Variants in PCF11 observed in about 807,000 individuals in gnomAD.
PCF11 encodes the protein pre-mRNA cleavage complex 2 protein Pcf11.
A neutral mutation model predicts 166.1 loss-of-function variants in PCF11; 19 were observed. That is an observed-to-expected ratio of 0.11 (90% CI 0.08 to 0.17). The LOEUF is 0.17. Among genes scored for constraint, PCF11 ranks in the 10% least tolerant of loss-of-function variants. The pLI, the probability that PCF11 is intolerant of heterozygous loss-of-function variation, is 1.00. For missense variants in PCF11, 1,565 were observed against 1,855.5 expected (o/e 0.84, Z 2.88); for synonymous variants, 663 against 644.1 (o/e 1.03, Z -0.44).
chr11:83,185,143 TA>T (rs1421782953), exon 16 of PCF11: 2 of 345,006 alleles, frequency 5.8e-6, no homozygotes, highest in Non-Finnish European at 1.0e-5. Context: ...ATTGTATGTG[TA>T]AAAATGTACG....
intron 9 of PCF11, among the ~76,000 whole-genome samples, chr11:83,176,402 C>G (rs915283327): frequency 6.6e-6 from 1 of 152,100 alleles, no homozygotes; most frequent in African/African-American, 2.4e-5. Context: ...TTTATTGTGG[C>G]ACTATTCACA....
exon 16 of PCF11, chr11:83,184,872 A>G: frequency 6.4e-7 from 1 of 1,568,230 alleles, no homozygotes; most frequent in South Asian, 1.2e-5. Context: ...AAAACAGAAA[A>G]TGACACAGTC....
chr11:83,169,111 G>A (rs1860583509), exon 8 of PCF11: 1 of 1,613,654 alleles, frequency 6.2e-7, no homozygotes, highest in African/African-American at 1.3e-5. Flanking sequence ...TCCATCAGGG[G>A]CTGCGATTAG....
chr11:83,163,509 CTG>C (rs1318529507), intron 2 of PCF11, among the ~76,000 whole-genome samples, 168 bp from the exon 3 acceptor site: 2 of 152,040 alleles, frequency 1.3e-5, no homozygotes, highest in East Asian at 1.9e-4. Flanking sequence ...TTTAATTACT[CTG>C]TTTTTGAAGG....
chr11:83,171,181 A>C (rs1428197866), intron 8 of PCF11: 4 of 393,536 alleles, frequency 1.0e-5, no homozygotes, highest in African/African-American at 6.2e-5. Flanking sequence ...CTCCATGACT[A>C]TTCTGTTTTT....
Position 83,167,027 on chromosome 11 carries a change from C to T in PCF11, c.1818-98C>T. The stretch of plus-strand genomic sequence containing the variant: ...AATTACTTTTTGTGGTTACATATGC[C>T]CATTTTAACCATATCCTTTGAAAAG... On this transcript the variant is annotated intron_variant, in intron 5 of 15. Transcript: ENST00000298281. The surrounding 1 kb of genome is among the most constrained non-coding windows in gnomAD (Gnocchi z 4.2). 1 of 944,112 alleles carries T rather than the reference C, an allele frequency of 1.1e-6. No homozygotes were observed. Among genetic ancestry groups the T allele is most frequent in the Non-Finnish European group, 1.6e-6 (1 of 624,768 alleles). 58.5% of individuals were successfully genotyped at this position (944,112 alleles called of 1,614,324 possible). A position where few individuals can be genotyped will look rare whatever the true frequency, so the allele number is the denominator to read the frequency against.
chr11:83,159,617 C>G (rs1860150006), intron 1 of PCF11, among the ~76,000 whole-genome samples: 1 of 152,092 alleles, frequency 6.6e-6, no homozygotes, highest in Non-Finnish European at 1.5e-5. Context: ...GCACACGTTT[C>G]CTGGTTATTT....
chr11:83,181,159 G>A lies in PCF11; in HGVS notation c.4135G>A (p.Val1379Ile), dbSNP rs369263736. The A allele has an allele frequency of 1.3e-4, 205 of 1,611,506 alleles. No homozygotes were observed. The highest frequency in any genetic ancestry group is 1.7e-4 in the Non-Finnish European group (196 of 1,178,570). Reference sequence around the variant, plus strand: ...AACTGAAAAGGATGTTAGCCGAAAAGTCACTCATAGACGTTGGTACTACAG... The same window carrying A: ...AACTGAAAAGGATGTTAGCCGAAAAATCACTCATAGACGTTGGTACTACAG... The change falls in exon 12 of 16, where the codon GTC (valine) becomes ATC (isoleucine). Residue 1379 changes from valine (V) to isoleucine (I), a missense_variant. Around this residue, in one of 12 missense-constraint regions of PCF11, gnomAD observed 81 missense variants for 141.8 expected, o/e 0.57. Transcript: ENST00000298281.
exon 5 of PCF11, chr11:83,165,670 T>C (rs1192276009): frequency 1.4e-5 from 23 of 1,613,786 alleles, no homozygotes; most frequent in Non-Finnish European, 1.9e-5. Flanking sequence ...AAATTACATG[T>C]TTCACAGATT....
chr11:83,162,347 A>G (rs542578879), intron 2 of PCF11, among the ~76,000 whole-genome samples: 1 of 152,308 alleles, frequency 6.6e-6, no homozygotes, highest in Non-Finnish European at 1.5e-5. Flanking sequence ...TCAGTATTAG[A>G]TTTTACATGT....
At position 83,167,909 on chromosome 11, in the gene PCF11, T is replaced by C. The variant is rs1291989162; in HGVS notation, c.2092+404T>C. On this transcript the variant is annotated intron_variant, in intron 7 of 15. Transcript: ENST00000298281. This position sits in a 1 kb window ranked among gnomAD's most constrained non-coding sequence, Gnocchi z 4.2. ...AAGTCTCTGCTAAAGGTAGAAAAAGTTAAATCAGATTATGCCTATTGAATC... is the reference window on the plus strand; with the variant it reads ...AAGTCTCTGCTAAAGGTAGAAAAAGCTAAATCAGATTATGCCTATTGAATC... 1 of 1,291,328 alleles carries C rather than the reference T, an allele frequency of 7.7e-7. No homozygotes were observed. The highest frequency in any genetic ancestry group is 1.0e-6 in the Non-Finnish European group (1 of 991,696). The allele number at this position is 1,291,328 out of a possible 1,614,324, so 80.0% of individuals were successfully genotyped here.
intron 9 of PCF11, among the ~76,000 whole-genome samples, chr11:83,173,516 G>T (rs1183308337): frequency 6.8e-6 from 1 of 147,616 alleles, no homozygotes; most frequent in Non-Finnish European, 1.5e-5. Flanking sequence ...TGTCTGTTTT[G>T]TTGTTGTTTT....
At chr11:83,161,552 G>T in intron 2 of PCF11, 100 bp downstream of exon 2, 1 of 870,714 alleles carries the variant, frequency 1.1e-6, no homozygotes, top group Non-Finnish European at 1.7e-6. Flanking sequence ...GTGGTGAAAT[G>T]TTTTATACTT....
intron 2 of PCF11, among the ~76,000 whole-genome samples, chr11:83,162,102 TG>T (rs1176199285): frequency 6.6e-6 from 1 of 152,170 alleles, no homozygotes; most frequent in African/African-American, 2.4e-5. Context: ...CACTGTAACA[TG>T]GTGGTTTGGT....
chr11:83,160,056 T>C (rs1473628646), intron 1 of PCF11, among the ~76,000 whole-genome samples: 1 of 152,208 alleles, frequency 6.6e-6, no homozygotes, highest in African/African-American at 2.4e-5. Flanking sequence ...ATGCAGTGGG[T>C]GAACCCTTTT....
At chr11:83,168,116 T>C (rs1860537845) in intron 7 of PCF11, among the ~76,000 whole-genome samples, 1 of 152,234 alleles carries the variant, frequency 6.6e-6, no homozygotes, top group South Asian at 2.1e-4. Context: ...ATTTTTTATA[T>C]GTAATTTGAT....
At chr11:83,175,461 C>A (rs1481219963) in intron 9 of PCF11, among the ~76,000 whole-genome samples, 2 of 150,368 alleles carry the variant, frequency 1.3e-5, no homozygotes, top group Admixed American at 1.3e-4. Context: ...GTTAAAGAAT[C>A]ACAATTATGG....
At chr11:83,185,843 CTTG>C (rs1379851543) in exon 16 of PCF11, 3 of 152,656 alleles carry the variant, frequency 2.0e-5, no homozygotes, top group East Asian at 3.9e-4. Context: ...ATGTGACTTT[CTTG>C]TTGTCTTTCA....
chr11:83,180,570 A>G (rs773532672), intron 11 of PCF11: 1 of 152,562 alleles, frequency 6.6e-6, no homozygotes, highest in Non-Finnish European at 1.5e-5. Context: ...TATCCATACT[A>G]TTATTATTTC....
Sources: allele counts gnomAD v4.1 joint callset (sites outside exome capture counted in the v4.1 genomes callset), GRCh38; gene constraint gnomAD v4.1.1; regional missense constraint gnomAD v4.1.1; non-coding constraint Gnocchi (gnomAD v3.1); transcripts MANE v1.5; gene names NCBI Gene and HGNC (gene_info 2026-07-23, HGNC 2026-07-21).